The following PTPRR variants were observed in gnomAD, a reference collection of about 807,000 sequenced individuals.
PTPRR encodes protein tyrosine phosphatase receptor type R.
A neutral mutation model predicts 77.2 loss-of-function variants in PTPRR; 38 were observed. The observed-to-expected ratio is 0.49, with a 90% CI of 0.38 to 0.65. The LOEUF (loss-of-function observed/expected upper bound fraction) is 0.65, where lower values mean the gene tolerates loss of function less well. Among genes scored for constraint, PTPRR ranks in the 30% least tolerant of loss-of-function variants. The pLI is 0.00. For missense variants in PTPRR, 744 were observed against 799.2 expected, an observed-to-expected ratio of 0.93 and a Z score of 0.83; for synonymous variants, 299 against 283.1, an observed-to-expected ratio of 1.06 and a Z score of -0.57.
At chr12:70,700,171 T>C (rs1213164714) in intron 7 of PTPRR, among the ~76,000 whole-genome samples, 1 of 152,216 alleles carries the variant, frequency 6.6e-6, no homozygotes, top group Admixed American at 6.6e-5. Flanking sequence ...ATGGGGCTAA[T>C]AGTAGATCCA....
At chr12:70,816,233 T>C (rs1474217063) in intron 2 of PTPRR, among the ~76,000 whole-genome samples, 1 of 152,056 alleles carries the variant, frequency 6.6e-6, no homozygotes, top group Non-Finnish European at 1.5e-5. Context: ...TAAACAAATA[T>C]GAAATAAATG....
intron 5 of PTPRR, among the ~76,000 whole-genome samples, chr12:70,747,639 T>G (rs969903333): frequency 6.6e-6 from 1 of 152,206 alleles, no homozygotes; most frequent in African/African-American, 2.4e-5. Flanking sequence ...GCTTATGTTT[T>G]TGATGAGAAA....
At chr12:70,729,814 T>G (rs1384777919) in intron 6 of PTPRR, among the ~76,000 whole-genome samples, 1 of 152,060 alleles carries the variant, frequency 6.6e-6, no homozygotes, top group African/African-American at 2.4e-5. Flanking sequence ...TACTTTCTTA[T>G]GAAGAATCAT....
At chr12:70,783,866 G>C (rs1230702411) in intron 2 of PTPRR, among the ~76,000 whole-genome samples, 5 of 123,874 alleles carry the variant, frequency 4.0e-5, no homozygotes, top group Non-Finnish European at 6.7e-5. Context: ...GGGGGGACGG[G>C]GGGGGGGGGC....
Position 70,662,596 on chromosome 12 carries a change from G to C in PTPRR, c.1507C>G (p.Leu503Val). 1 of 1,601,156 alleles carries C rather than the reference G, an allele frequency of 6.2e-7. No individual in the cohort carries two copies. Among genetic ancestry groups the C allele is most frequent in the Non-Finnish European group, 8.5e-7 (1 of 1,170,088 alleles). ...ATCCCTCTCTTTTCCGGCCAGTATA[G>C]CACACATTTCTGGAGGAAGGGAAAG... is the stretch of plus-strand genomic sequence containing the variant. ...KLKEKNEKCVLYWPEKRGIYG... is the reference protein window; with the variant it reads ...KLKEKNEKCVVYWPEKRGIYG... The change falls in exon 11 of 14, where the codon CTA becomes GTA. Residue 503 changes from leucine to valine, a missense_variant. This residue lies in a region of PTPRR where 170 missense variants were observed against 209.8 expected (regional missense o/e 0.81). Transcript: ENST00000283228.
chr12:70,756,807 T>C (rs1890574316), intron 4 of PTPRR, among the ~76,000 whole-genome samples: 1 of 152,152 alleles, frequency 6.6e-6, no homozygotes, highest in Admixed American at 6.6e-5. Flanking sequence ...AATTCTGATC[T>C]CAGATGCAGA....
chr12:70,843,735 A>G (rs1387166704), intron 2 of PTPRR, among the ~76,000 whole-genome samples: 2 of 152,058 alleles, frequency 1.3e-5, no homozygotes, highest in Non-Finnish European at 2.9e-5. Context: ...GATTACCAAA[A>G]GTGGATTGTT....
intron 2 of PTPRR, among the ~76,000 whole-genome samples, chr12:70,832,737 C>T (rs542030732): frequency 3.9e-5 from 6 of 152,170 alleles, no homozygotes; most frequent in Admixed American, 2.6e-4. Context: ...CAAAGGAATA[C>T]CTGAGACTGG....
chr12:70,677,582 T>C (rs987527670), intron 10 of PTPRR, among the ~76,000 whole-genome samples: 2 of 152,196 alleles, frequency 1.3e-5, no homozygotes, highest in Non-Finnish European at 2.9e-5. Flanking sequence ...AGGTACATAC[T>C]TTCTGTATCT....
At chr12:70,850,642 A>G (rs942740615) in intron 2 of PTPRR, among the ~76,000 whole-genome samples, 2 of 152,154 alleles carry the variant, frequency 1.3e-5, no homozygotes, top group Non-Finnish European at 2.9e-5. Context: ...ATCTCTTCAA[A>G]TCCATTGTGA....
chr12:70,820,918 C>G (rs1592776213), intron 2 of PTPRR, among the ~76,000 whole-genome samples: 1 of 152,056 alleles, frequency 6.6e-6, no homozygotes, highest in Non-Finnish European at 1.5e-5. Context: ...AAGTCCTCAA[C>G]TCTCTTTGTT....
chr12:70,830,951 C>A (rs1015868206), intron 2 of PTPRR, among the ~76,000 whole-genome samples: 4 of 152,200 alleles, frequency 2.6e-5, no homozygotes, highest in African/African-American at 7.2e-5. Context: ...TAGCACAATG[C>A]CTGACATATA....
At chr12:70,747,174 C>T (rs986266373) in intron 5 of PTPRR, among the ~76,000 whole-genome samples, 3 of 152,130 alleles carry the variant, frequency 2.0e-5, no homozygotes, top group Non-Finnish European at 4.4e-5. Context: ...TTTTAACTCA[C>T]TGCTTCTCTT....
chr12:70,867,571 T>C (rs1407249949), intron 2 of PTPRR, among the ~76,000 whole-genome samples: 157 of 151,642 alleles, frequency 1.0e-3, no homozygotes, highest in African/African-American at 3.3e-3. Flanking sequence ...TCCATGCTCA[T>C]GGGTAGGAAG....
chr12:70,907,650 C>T (rs1375892821), intron 1 of PTPRR, among the ~76,000 whole-genome samples: 2 of 152,038 alleles, frequency 1.3e-5, no homozygotes, highest in African/African-American at 4.8e-5. Context: ...TAAAACGGTA[C>T]CTTGGGACAA....
Position 70,715,232 on chromosome 12 carries a change from T to C in PTPRR, c.1008-13909A>G, listed in dbSNP as rs149762142. 6.8e-3 allele frequency among the ~76,000 whole-genome samples: 1,030 copies of C among 151,996 alleles called. 11 individuals carry two copies. The highest frequency in any genetic ancestry group is 0.023 in the African/African-American group (957 of 41,446). On this transcript the variant is annotated intron_variant, in intron 6 of 13. Coordinates refer to ENST00000283228, the MANE Select transcript of PTPRR (RefSeq NM_002849.4). Reference sequence around the variant, plus strand: ...CCCCACAAGCCGTAAAACCAGCAAGTTTTTATTAGGGAGTTTCAAAAGGGG... The same window carrying C: ...CCCCACAAGCCGTAAAACCAGCAAGCTTTTATTAGGGAGTTTCAAAAGGGG...
intron 2 of PTPRR, among the ~76,000 whole-genome samples, chr12:70,797,167 T>A (rs1891530554): frequency 1.3e-5 from 2 of 152,236 alleles, no homozygotes; most frequent in South Asian, 4.1e-4. Context: ...TGGCTTGAAA[T>A]GAATGTTTAC....
chr12:70,828,552 G>C (rs1225002594), intron 2 of PTPRR, among the ~76,000 whole-genome samples: 1 of 152,198 alleles, frequency 6.6e-6, no homozygotes, highest in Non-Finnish European at 1.5e-5. Context: ...CAGGCTGTAG[G>C]AAGGCAGAGA....
At chr12:70,857,276 GC>G (rs1892669403) in intron 2 of PTPRR, among the ~76,000 whole-genome samples, 1 of 152,140 alleles carries the variant, frequency 6.6e-6, no homozygotes, top group Non-Finnish European at 1.5e-5. Flanking sequence ...AGTAGGAAAG[GC>G]CGGAGAATAT....
Sources: allele counts gnomAD v4.1 joint callset (sites outside exome capture counted in the v4.1 genomes callset), GRCh38; gene constraint gnomAD v4.1.1; regional missense constraint gnomAD v4.1.1; transcripts MANE v1.5; gene names NCBI Gene and HGNC (gene_info 2026-07-23, HGNC 2026-07-21).